HTT: variants seen among roughly 807,000 people sequenced by gnomAD.
The protein encoded by HTT is huntington disease protein.
HTT carries 104 observed loss-of-function variants against 362.3 expected under a neutral mutation model. That is an observed-to-expected ratio of 0.29 (90% CI 0.24 to 0.34). The LOEUF (loss-of-function observed/expected upper bound fraction) is 0.34, where lower values mean the gene tolerates loss of function less well. Ranked by LOEUF, HTT falls within the 10% of genes least tolerant of loss-of-function variation. HTT has a pLI of 1.00. For missense variants in HTT, 3,301 were observed against 3,928.6 expected (o/e 0.84, Z 4.27); for synonymous variants, 1,577 against 1,548.7 (o/e 1.02, Z -0.43).
chr4:3,146,709 G>A (rs1694529197), intron 24 of HTT, 88 bp from the exon 25 acceptor site: 1 of 1,144,778 alleles, frequency 8.7e-7, no homozygotes, highest in Non-Finnish European at 1.3e-6. Flanking sequence ...ATTGTGACAT[G>A]CCTTCCTCTT....
intron 40 of HTT, among the ~76,000 whole-genome samples, chr4:3,192,393 G>A (rs1453085550): frequency 6.6e-6 from 1 of 152,164 alleles, no homozygotes; most frequent in Non-Finnish European, 1.5e-5. Context: ...TCTGCTTCCT[G>A]TGTTAGTTTT....
intron 9 of HTT, 114 bp downstream of exon 9, chr4:3,121,546 A>G: frequency 1.5e-6 from 1 of 678,942 alleles, no homozygotes; most frequent in East Asian, 2.7e-5. Context: ...CTTCCTTGCC[A>G]AAACTTATAA....
At chr4:3,094,185 T>A (rs1713688446) in intron 2 of HTT, among the ~76,000 whole-genome samples, 1 of 151,932 alleles carries the variant, frequency 6.6e-6, no homozygotes, top group Non-Finnish European at 1.5e-5. Flanking sequence ...CTTAATCCAT[T>A]TAACCCTTAG....
At chr4:3,161,402 C>T (rs971568553) in intron 29 of HTT, among the ~76,000 whole-genome samples, 30 of 152,048 alleles carry the variant, frequency 2.0e-4, no homozygotes, top group African/African-American at 4.3e-4. Flanking sequence ...GTGTCTTTAT[C>T]GTAGAATGAT....
intron 18 of HTT, 120 bp from the exon 19 acceptor site, chr4:3,134,281 C>T: frequency 1.3e-6 from 1 of 745,102 alleles, no homozygotes; most frequent in Non-Finnish European, 2.2e-6. Flanking sequence ...AATGCAACAT[C>T]CTGGTTGCAG....
intron 1 of HTT, among the ~76,000 whole-genome samples, chr4:3,078,124 A>G (rs2110132855): frequency 6.6e-6 from 1 of 152,342 alleles, no homozygotes; most frequent in Admixed American, 6.5e-5. Context: ...CAAATCTAGC[A>G]TGCTTGGGAG....
At chr4:3,111,643 G>A (rs369986573) in intron 6 of HTT, among the ~76,000 whole-genome samples, 3 of 152,168 alleles carry the variant, frequency 2.0e-5, no homozygotes, top group South Asian at 2.1e-4. Flanking sequence ...AGTGTTGCTG[G>A]TCAGGGTGCC....
intron 1 of HTT, among the ~76,000 whole-genome samples, chr4:3,079,551 T>A (rs770245880): frequency 2.0e-5 from 3 of 152,038 alleles, no homozygotes; most frequent in Non-Finnish European, 2.9e-5. Context: ...AAGGATGTCA[T>A]TTTAGTTGGG....
At chr4:3,220,991 A>T (rs1034794824) in intron 53 of HTT, among the ~76,000 whole-genome samples, 1 of 152,232 alleles carries the variant, frequency 6.6e-6, no homozygotes, top group Non-Finnish European at 1.5e-5. Context: ...GTCTAAATGA[A>T]TAAGTCACCA....
At chr4:3,235,811 C>A in intron 63 of HTT, 33 bp downstream of exon 63, 1 of 1,532,034 alleles carries the variant, frequency 6.5e-7, no homozygotes, top group Non-Finnish European at 8.9e-7. Context: ...TAAGGCCAGC[C>A]CAAGTCCTGT....
At chr4:3,120,731 G>A (rs1359912629) in intron 8 of HTT, among the ~76,000 whole-genome samples, 4 of 152,228 alleles carry the variant, frequency 2.6e-5, no homozygotes, top group African/African-American at 9.6e-5. Flanking sequence ...CTGGCCCTGT[G>A]GAAAAATTGT....
chr4:3,162,591 C>G (rs906420697), intron 29 of HTT, among the ~76,000 whole-genome samples: 1 of 152,112 alleles, frequency 6.6e-6, no homozygotes, highest in Non-Finnish European at 1.5e-5. Context: ...TGTGTCCTCT[C>G]TTATTTCCTT....
In HTT at chr4:3,211,834, T is replaced by C. The variant is rs1163875424; in HGVS notation, c.6415-95T>C. On this transcript the variant is annotated intron_variant, in intron 47 of 66. Transcript: ENST00000355072. ...CCAATTTGTATTTTCTCAGAAACAT[T>C]TGCCTTATTCTTTTTTCTGTTGTGT... The C allele has an allele frequency of 1.0e-5, 9 of 878,200 alleles. No individual in the cohort carries two copies. In the African/African-American group the frequency reaches 1.2e-4, roughly 11 times the overall value. The allele number at this position is 878,200 out of a possible 1,614,324, so 54.4% of individuals were successfully genotyped here.
At chr4:3,111,381 C>A (rs1578507148) in intron 6 of HTT, among the ~76,000 whole-genome samples, 1 of 151,880 alleles carries the variant, frequency 6.6e-6, no homozygotes, top group East Asian at 1.9e-4. Context: ...TTTAGTAGAG[C>A]CAGAGTTTCA....
At chr4:3,178,243 T>C (rs549942929) in intron 34 of HTT, 55 bp from the exon 35 acceptor site, 90 of 1,276,866 alleles carry the variant, frequency 7.0e-5, no homozygotes, top group Middle Eastern at 2.3e-4. Flanking sequence ...GTTGCTTATA[T>C]TGATATGTAT....
chr4:3,161,380 A>G (rs1335053578), intron 29 of HTT, among the ~76,000 whole-genome samples: 1 of 152,200 alleles, frequency 6.6e-6, no homozygotes, highest in African/African-American at 2.4e-5. Context: ...CACAATAAAC[A>G]TACATGTGCA....
chr4:3,127,308 G>C lies in HTT; in HGVS notation c.1447G>C (p.Gly483Arg). Residue 483 changes from glycine to arginine, a missense_variant, in exon 12 of 67, where the codon GGG becomes CGG. By Grantham distance (125) the Gly-to-Arg change is moderately radical. Transcript: ENST00000355072. ...CAGTGGAGAGCTGGCTGCTTCTTCA[G>C]GGGTTTCCACTCCAGGGTCAGCAGG... ...EISGELAASS[G>R]VSTPGSAGHD... The C allele has an allele frequency of 1.2e-6, 2 of 1,614,228 alleles. No homozygotes were observed. Among genetic ancestry groups the C allele is most frequent in the South Asian group, 1.1e-5 (1 of 91,082 alleles).
At chr4:3,163,095 G>T (rs531535231) in intron 29 of HTT, among the ~76,000 whole-genome samples, 6 of 152,174 alleles carry the variant, frequency 3.9e-5, no homozygotes, top group African/African-American at 1.2e-4. Flanking sequence ...GTTGAGATAC[G>T]TTCCATCGAT....
At chr4:3,219,082 G>A (rs1323166782) in intron 52 of HTT, among the ~76,000 whole-genome samples, 4 of 152,222 alleles carry the variant, frequency 2.6e-5, no homozygotes, top group African/African-American at 9.6e-5. Context: ...CGAAGAAGAG[G>A]CCAGTGCCTG....
Sources: allele counts gnomAD v4.1 joint callset (sites outside exome capture counted in the v4.1 genomes callset), GRCh38; gene constraint gnomAD v4.1.1; transcripts MANE v1.5; gene names NCBI Gene and HGNC (gene_info 2026-07-23, HGNC 2026-07-21).